The following DLGAP2 variants were observed in gnomAD, a reference collection of about 807,000 sequenced individuals.
DLGAP2 encodes DLG associated protein 2.
A neutral mutation model predicts 100.3 loss-of-function variants in DLGAP2; 26 were observed. The observed-to-expected ratio is 0.26, with a 90% CI of 0.19 to 0.36. The LOEUF (loss-of-function observed/expected upper bound fraction) is 0.36, where lower values mean the gene tolerates loss of function less well. DLGAP2 is among the 10% of genes least tolerant of loss of function. The pLI, the probability that DLGAP2 is intolerant of heterozygous loss-of-function variation, is 1.00. For synonymous variants in DLGAP2, 886 were observed against 630.1 expected (o/e 1.41, Z -6.08); for missense variants, 1,858 against 1,453.2 (o/e 1.28, Z -4.53).
chr8:1,194,730 C>T (rs1797712762), intron 2 of DLGAP2, among the ~76,000 whole-genome samples: 1 of 152,180 alleles, frequency 6.6e-6, no homozygotes. Flanking sequence ...TGTGGAGAGT[C>T]CCTGGGCCCG....
rs1802395040 is a variant in DLGAP2, at chr8:1,376,637, G to GA, written c.106+117754_106+117755insA. On this transcript the variant is annotated intron_variant, in intron 3 of 14. Transcript: ENST00000637795. ...TGACAGGGACGTGCCAGCTCACAGG[G>GA]CTGCCAAGACCCTCACTCTGACCCC... Among the ~76,000 whole-genome samples, 3 of 152,152 alleles carry GA rather than the reference G, an allele frequency of 2.0e-5. No individual in the cohort carries two copies. In the East Asian group the frequency reaches 5.8e-4, roughly 29 times the overall value.
In DLGAP2 at chr8:1,389,258, C is replaced by T. The variant is rs375873555; in HGVS notation, c.107-112108C>T. Among the ~76,000 whole-genome samples the T allele has an allele frequency of 1.1e-4, 15 of 139,792 alleles. No homozygotes were observed. In the South Asian group the frequency reaches 3.2e-3, roughly 30 times the overall value. The allele number at this position is 139,792 out of a possible 152,430, so 91.7% of individuals were successfully genotyped here. On this transcript the variant is annotated intron_variant, in intron 3 of 14. Transcript: ENST00000637795. ...CTGGAGGAGGAGGATTGGAAGGCGA[C>T]GTGGCTTCCTCCCAGTCAGTGGGGA...
intron 2 of DLGAP2, among the ~76,000 whole-genome samples, chr8:934,908 G>A (rs1799035411): frequency 6.6e-6 from 1 of 152,122 alleles, no homozygotes; most frequent in African/African-American, 2.4e-5. Flanking sequence ...CCTCAGCTCT[G>A]CCTCTTTAAA....
intron 2 of DLGAP2, among the ~76,000 whole-genome samples, chr8:917,675 G>C (rs926673152): frequency 1.3e-5 from 2 of 152,182 alleles, no homozygotes; most frequent in African/African-American, 4.8e-5. Context: ...CCACCTCCCA[G>C]GTTCAAATCA....
chr8:1,151,598 G>A lies in DLGAP2; in HGVS notation c.74-107253G>A, dbSNP rs529068234. Among the ~76,000 whole-genome samples, 17 of 152,268 alleles carry A rather than the reference G, an allele frequency of 1.1e-4. 1 individual carries two copies. The highest frequency in any genetic ancestry group is 3.4e-3 in the Middle Eastern group (1 of 294). ...GGTGAGGGAGGTGAGGGGCACCTTCGCAAGGGGAAATGAGTGCACTGGCTT... is the reference window on the plus strand; with the variant it reads ...GGTGAGGGAGGTGAGGGGCACCTTCACAAGGGGAAATGAGTGCACTGGCTT... On this transcript the variant is annotated intron_variant, in intron 2 of 14. Coordinates refer to ENST00000637795, the MANE Select transcript of DLGAP2 (RefSeq NM_001346810.2).
At position 1,450,449 on chromosome 8, in the gene DLGAP2, GGTGGCT is replaced by G. The variant is rs66753458; in HGVS notation, c.107-50909_107-50904del. ...GGGTGAAGACGAGGTGGGCGGCCTCGGTGGCTGTGGCTGAGGCTGAGCTGTGAGGGT... is the reference window on the plus strand; with the variant it reads ...GGGTGAAGACGAGGTGGGCGGCCTCGGTGGCTGAGGCTGAGCTGTGAGGGT... On this transcript the variant is annotated intron_variant, in intron 3 of 14. Coordinates refer to ENST00000637795, the MANE Select transcript of DLGAP2 (RefSeq NM_001346810.2). Among the ~76,000 whole-genome samples the G allele has an allele frequency of 4.4e-3, 529 of 121,150 alleles. 3 individuals carry two copies. The highest frequency in any genetic ancestry group is 6.1e-3 in the South Asian group (20 of 3,304). 79.5% of individuals were successfully genotyped at this position (121,150 alleles called of 152,430 possible).
intron 3 of DLGAP2, among the ~76,000 whole-genome samples, chr8:1,465,192 C>T (rs1446020389): frequency 1.3e-5 from 2 of 152,262 alleles, no homozygotes; most frequent in Non-Finnish European, 2.9e-5. Context: ...AGCTTCTAAC[C>T]AGCCAGTGGT....
intron 3 of DLGAP2, among the ~76,000 whole-genome samples, chr8:1,307,282 A>C (rs961429654): frequency 1.3e-5 from 2 of 152,226 alleles, no homozygotes; most frequent in Non-Finnish European, 2.9e-5. Flanking sequence ...ATCATTAATT[A>C]TTAAGGGAAT....
At chr8:1,638,749 G>A (rs938708729) in intron 8 of DLGAP2, among the ~76,000 whole-genome samples, 5 of 152,178 alleles carry the variant, frequency 3.3e-5, no homozygotes, top group African/African-American at 1.2e-4. Context: ...TGCAGGCAGG[G>A]AGTCTCCAGG....
At chr8:1,378,863 G>T (rs1796026932) in intron 3 of DLGAP2, among the ~76,000 whole-genome samples, 1 of 152,062 alleles carries the variant, frequency 6.6e-6, no homozygotes, top group African/African-American at 2.4e-5. Flanking sequence ...TCCCCTTCAG[G>T]GCAGTGTGGT....
chr8:1,102,380 T>C (rs1804614767), intron 2 of DLGAP2, among the ~76,000 whole-genome samples: 1 of 148,654 alleles, frequency 6.7e-6, no homozygotes, highest in South Asian at 2.1e-4. Flanking sequence ...ATATATAATT[T>C]ATAGATACAT....
At chr8:824,154 A>C (rs1162431301) in intron 1 of DLGAP2, among the ~76,000 whole-genome samples, 6 of 151,406 alleles carry the variant, frequency 4.0e-5, no homozygotes, top group African/African-American at 1.5e-4. Flanking sequence ...GGCTCACTGC[A>C]GCCTCAACCT....
In DLGAP2 at chr8:1,392,472, C is replaced by T. The variant is rs138950834; in HGVS notation, c.107-108894C>T. Among the ~76,000 whole-genome samples the T allele has an allele frequency of 1.3e-4, 20 of 152,362 alleles. No individual in the cohort carries two copies. In the East Asian group the frequency reaches 3.5e-3, roughly 26 times the overall value. ...ACCCGTTCCGCTGACTTGGACGCCG[C>T]GTGGTCCTTCTAAGTGCCATTGTCC... is the stretch of plus-strand genomic sequence containing the variant. On this transcript the variant is annotated intron_variant, in intron 3 of 14. Coordinates refer to ENST00000637795, the MANE Select transcript of DLGAP2 (RefSeq NM_001346810.2).
chr8:1,137,707 A>G (rs932341568), intron 2 of DLGAP2: 3 of 152,220 alleles, frequency 2.0e-5, no homozygotes, highest in South Asian at 2.1e-4. Context: ...TCTTTCTACT[A>G]TATAAACTTC....
chr8:771,410 C>T lies in DLGAP2; in HGVS notation c.18+33585C>T, dbSNP rs934826344. 3.3e-5 allele frequency among the ~76,000 whole-genome samples: 5 copies of T among 152,156 alleles called. No homozygotes were observed. In the South Asian group the frequency reaches 8.3e-4, roughly 25 times the overall value. On this transcript the variant is annotated intron_variant, in intron 1 of 14. Coordinates refer to ENST00000637795, the MANE Select transcript of DLGAP2 (RefSeq NM_001346810.2). ...AAGTAGAGAAAAACACTTTCAGAAACACATTTTGATTTTCCTAAAAGGGTT... is the reference window on the plus strand; with the variant it reads ...AAGTAGAGAAAAACACTTTCAGAAATACATTTTGATTTTCCTAAAAGGGTT...
chr8:940,906 C>T (rs569872086), intron 2 of DLGAP2, among the ~76,000 whole-genome samples: 2 of 152,228 alleles, frequency 1.3e-5, no homozygotes, highest in East Asian at 3.9e-4. Context: ...CAGGAGTCAC[C>T]AGCCCTGAGA....
At chr8:1,286,486 T>C (rs932854416) in intron 3 of DLGAP2, among the ~76,000 whole-genome samples, 4 of 152,218 alleles carry the variant, frequency 2.6e-5, no homozygotes, top group Admixed American at 6.5e-5. Context: ...CCCCGTAGAC[T>C]GTTTTCTTGT....
intron 2 of DLGAP2, among the ~76,000 whole-genome samples, chr8:998,315 CAGAT>C (rs749140468): frequency 9.9e-5 from 15 of 152,250 alleles, no homozygotes; most frequent in African/African-American, 3.6e-4. Flanking sequence ...TTTATCTAGA[CAGAT>C]AGACAGGGTC....
chr8:832,720 G>A (rs967643911), intron 1 of DLGAP2, among the ~76,000 whole-genome samples: 2 of 152,228 alleles, frequency 1.3e-5, no homozygotes, highest in Admixed American at 6.5e-5. Context: ...GAGGAAGTGA[G>A]CACAACTGTG....
Sources: allele counts gnomAD v4.1 joint callset (sites outside exome capture counted in the v4.1 genomes callset), GRCh38; gene constraint gnomAD v4.1.1; transcripts MANE v1.5; gene names NCBI Gene and HGNC (gene_info 2026-07-23, HGNC 2026-07-21).